PHYHIPL: variants seen among roughly 807,000 people sequenced by gnomAD.
The protein encoded by PHYHIPL is phytanoyl-CoA hydroxylase-interacting protein-like.
PHYHIPL carries 9 observed loss-of-function variants against 33.4 expected under a neutral mutation model. The observed-to-expected ratio is 0.27, with a 90% CI of 0.16 to 0.47. The LOEUF (loss-of-function observed/expected upper bound fraction) is 0.47, where lower values mean the gene tolerates loss of function less well. Among genes scored for constraint, PHYHIPL ranks in the 20% least tolerant of loss-of-function variants. PHYHIPL has a pLI of 0.99. For synonymous variants in PHYHIPL, 153 were observed against 154.1 expected (o/e 0.99, Z 0.05); for missense variants, 365 against 460.7 (o/e 0.79, Z 1.90).
intron 1 of PHYHIPL, among the ~76,000 whole-genome samples, chr10:59,200,779 G>C (rs574300137): frequency 6.6e-6 from 1 of 152,122 alleles, no homozygotes; most frequent in African/African-American, 2.4e-5. Context: ...TCCTGGTTTA[G>C]TCTTCGGAGG....
At chr10:59,221,799 A>ATAT in intron 1 of PHYHIPL, 1 of 585,792 alleles carries the variant, frequency 1.7e-6, no homozygotes, top group Non-Finnish European at 2.1e-6. Context: ...ATTCTTTCAG[A>ATAT]TATTAGTGTC....
At position 59,246,445 on chromosome 10, in the gene PHYHIPL, T is replaced by C. The variant is rs1840717369; in HGVS notation, c.*854T>C. On this transcript the variant is annotated 3_prime_UTR_variant, in exon 5 of 5. Coordinates refer to ENST00000373880, the MANE Select transcript of PHYHIPL (RefSeq NM_032439.4). ...GTCAATAGTCTTCCCATCCAAACTA[T>C]AAGAGAATGTGAATTTCTTCAACAT... 5.3e-6 allele frequency: 2 copies of C among 374,112 alleles called. No individual in the cohort carries two copies. Among genetic ancestry groups the C allele is most frequent in the Non-Finnish European group, 9.5e-6 (2 of 210,582 alleles). 23.2% of individuals were successfully genotyped at this position (374,112 alleles called of 1,614,324 possible).
At chr10:59,245,034 T>C (rs1840604625) in intron 4 of PHYHIPL, 23 bp from the exon 5 acceptor site, 2 of 1,583,140 alleles carry the variant, frequency 1.3e-6, no homozygotes, top group Non-Finnish European at 1.7e-6. Flanking sequence ...TATTAAGCAG[T>C]GACCACTTGT....
intron 1 of PHYHIPL, among the ~76,000 whole-genome samples, chr10:59,221,957 C>T (rs1839789574): frequency 6.6e-6 from 1 of 151,932 alleles, no homozygotes; most frequent in Admixed American, 6.6e-5. Context: ...AGTTAAATTT[C>T]CATGTCCTCT....
intron 4 of PHYHIPL, among the ~76,000 whole-genome samples, chr10:59,239,421 C>A (rs185575542): frequency 2.8e-4 from 42 of 152,028 alleles, no homozygotes; most frequent in African/African-American, 9.2e-4. Context: ...AAGATTTCCC[C>A]CTCCCCATAA....
chr10:59,229,696 G>T, intron 1 of PHYHIPL, among the ~76,000 whole-genome samples: 1 of 152,054 alleles, frequency 6.6e-6, no homozygotes, highest in Non-Finnish European at 1.5e-5. Flanking sequence ...TAAATAAAAG[G>T]AAGTGACATA....
chr10:59,184,974 T>G (rs1838531922), intron 1 of PHYHIPL, among the ~76,000 whole-genome samples: 1 of 150,276 alleles, frequency 6.7e-6, no homozygotes, highest in Non-Finnish European at 1.5e-5. Context: ...ACAAAGGACA[T>G]GAACTCATCA....
chr10:59,247,425 A>G lies in PHYHIPL; in HGVS notation c.*1834A>G. 1.6e-6 allele frequency: 1 copy of G among 638,094 alleles called. No individual in the cohort carries two copies. Among genetic ancestry groups the G allele is most frequent in the Non-Finnish European group, 2.6e-6 (1 of 382,464 alleles). 39.5% of individuals were successfully genotyped at this position (638,094 alleles called of 1,614,324 possible). A position where few individuals can be genotyped will look rare whatever the true frequency, so the allele number is the denominator to read the frequency against. On this transcript the variant is annotated 3_prime_UTR_variant, in exon 5 of 5. Coordinates refer to ENST00000373880, the MANE Select transcript of PHYHIPL (RefSeq NM_032439.4). ...TCCCAATTATATGGCTACCTGTTGTATTCTTCCCCCCGTTTAAATCCCTTC... is the reference window on the plus strand; with the variant it reads ...TCCCAATTATATGGCTACCTGTTGTGTTCTTCCCCCCGTTTAAATCCCTTC...
intron 1 of PHYHIPL, among the ~76,000 whole-genome samples, chr10:59,205,827 T>G (rs577089812): frequency 6.6e-6 from 1 of 152,290 alleles, no homozygotes; most frequent in African/African-American, 2.4e-5. Flanking sequence ...GAATTAGTAT[T>G]AAGCCATAAG....
At chr10:59,182,753 T>C (rs1838445064) in intron 1 of PHYHIPL, among the ~76,000 whole-genome samples, 1 of 152,042 alleles carries the variant, frequency 6.6e-6, no homozygotes, top group South Asian at 2.1e-4. Flanking sequence ...CTTCAGCATA[T>C]TCTGTATATG....
intron 1 of PHYHIPL, among the ~76,000 whole-genome samples, chr10:59,197,612 C>T (rs922296380): frequency 6.6e-6 from 1 of 152,098 alleles, no homozygotes. Context: ...GGCCAGCATT[C>T]CCTGCTTTTA....
At chr10:59,188,796 T>C (rs1838696017) in intron 1 of PHYHIPL, among the ~76,000 whole-genome samples, 1 of 152,164 alleles carries the variant, frequency 6.6e-6, no homozygotes, top group Admixed American at 6.5e-5. Flanking sequence ...AACCCCTGCC[T>C]TTTTTTGTTT....
intron 1 of PHYHIPL, among the ~76,000 whole-genome samples, chr10:59,228,359 A>G (rs1839986555): frequency 6.6e-6 from 1 of 152,172 alleles, no homozygotes; most frequent in Non-Finnish European, 1.5e-5. Flanking sequence ...AGTTCCAACA[A>G]TGTTCAATGT....
intron 1 of PHYHIPL, among the ~76,000 whole-genome samples, chr10:59,209,958 C>A (rs772920477): frequency 4.6e-5 from 7 of 152,112 alleles, no homozygotes; most frequent in Non-Finnish European, 7.4e-5. Flanking sequence ...AAATGTAAGA[C>A]CTAAAACCAT....
At chr10:59,209,799 A>C (rs1042339293) in intron 1 of PHYHIPL, among the ~76,000 whole-genome samples, 1 of 152,246 alleles carries the variant, frequency 6.6e-6, no homozygotes, top group African/African-American at 2.4e-5. Flanking sequence ...GACAAACCTG[A>C]CAAAAACAAG....
intron 1 of PHYHIPL, among the ~76,000 whole-genome samples, chr10:59,213,151 G>C (rs1434438995): frequency 3.3e-5 from 5 of 151,736 alleles, no homozygotes; most frequent in African/African-American, 1.2e-4. Context: ...AATATATTTG[G>C]ATAAAAGGGC....
chr10:59,217,519 G>T (rs1372022275), intron 1 of PHYHIPL, among the ~76,000 whole-genome samples: 2 of 151,606 alleles, frequency 1.3e-5, no homozygotes, highest in Non-Finnish European at 2.9e-5. Context: ...ATAAAGATTT[G>T]TACTTGAAAT....
intron 1 of PHYHIPL, among the ~76,000 whole-genome samples, chr10:59,207,764 G>A (rs920186334): frequency 3.5e-4 from 53 of 152,100 alleles, no homozygotes; most frequent in Middle Eastern, 6.8e-3. Flanking sequence ...GGTGGTGGGC[G>A]CCTGTAGTCC....
intron 1 of PHYHIPL, among the ~76,000 whole-genome samples, chr10:59,233,993 G>A (rs1217970096): frequency 6.6e-6 from 1 of 151,656 alleles, no homozygotes; most frequent in African/African-American, 2.4e-5. Flanking sequence ...ACATGTCTAT[G>A]AAATTATCTG....
Sources: gnomAD v4.1 joint callset for allele counts (sites outside exome capture counted in the v4.1 genomes callset) on GRCh38, gnomAD v4.1.1 for gene constraint, MANE v1.5 for transcripts, NCBI Gene and HGNC (gene_info 2026-07-23, HGNC 2026-07-21) for gene names.